The following DLG2 variants were observed in gnomAD, a reference collection of about 807,000 sequenced individuals.
DLG2 encodes the protein discs large MAGUK scaffold protein 2.
Under a neutral mutation model 132.5 loss-of-function variants are expected in DLG2, and 45 were observed. The observed-to-expected ratio is 0.34, with a 90% CI of 0.27 to 0.44. The LOEUF is 0.44. Among genes scored for constraint, DLG2 ranks in the 20% least tolerant of loss-of-function variants. The pLI, the probability that DLG2 is intolerant of heterozygous loss-of-function variation, is 1.00. For missense variants in DLG2, 1,045 were observed against 1,196.9 expected (o/e 0.87, Z 1.87); for synonymous variants, 424 against 419.6 (o/e 1.01, Z -0.13).
At chr11:84,849,121 T>C (rs1269323368) in intron 6 of DLG2, among the ~76,000 whole-genome samples, 3 of 152,098 alleles carry the variant, frequency 2.0e-5, no homozygotes, top group Middle Eastern at 3.2e-3. Flanking sequence ...AGGAACCTCA[T>C]AGAGATGGAG....
chr11:83,995,891 A>C (rs907703995), intron 11 of DLG2, among the ~76,000 whole-genome samples: 2 of 152,184 alleles, frequency 1.3e-5, no homozygotes, highest in African/African-American at 4.8e-5. Context: ...ACATTGGGGA[A>C]GATTTCTATG....
intron 7 of DLG2, among the ~76,000 whole-genome samples, chr11:84,263,938 C>T (rs1370398038): frequency 6.6e-6 from 1 of 152,096 alleles, no homozygotes; most frequent in Non-Finnish European, 1.5e-5. Flanking sequence ...CTTGGGCGCT[C>T]ATTACAAGAC....
chr11:85,469,106 G>T (rs1384929484), intron 3 of DLG2, among the ~76,000 whole-genome samples: 1 of 152,184 alleles, frequency 6.6e-6, no homozygotes. Flanking sequence ...AACCATGAAA[G>T]TATTATCACT....
chr11:85,325,613 C>A, intron 3 of DLG2, among the ~76,000 whole-genome samples: 1 of 114,988 alleles, frequency 8.7e-6, no homozygotes, highest in Non-Finnish European at 1.8e-5. Context: ...ACACCGAAAA[C>A]CCATCTGTAC....
intron 6 of DLG2, among the ~76,000 whole-genome samples, chr11:84,813,673 C>G (rs2076811461): frequency 6.6e-6 from 1 of 152,082 alleles, no homozygotes; most frequent in South Asian, 2.1e-4. Flanking sequence ...CTCAGAATGA[C>G]ATAGAATGGG....
chr11:84,403,409 A>G (rs553175759), intron 7 of DLG2, among the ~76,000 whole-genome samples: 2 of 152,294 alleles, frequency 1.3e-5, no homozygotes, highest in Admixed American at 6.5e-5. Context: ...AATTGCCATT[A>G]CTGTTTATTT....
chr11:83,945,973 C>CCTTCCTTCCT (rs1338581440), intron 14 of DLG2, among the ~76,000 whole-genome samples: 6 of 142,666 alleles, frequency 4.2e-5, no homozygotes, highest in Middle Eastern at 3.6e-3. Context: ...TTCCTTTTCT[C>CCTTCCTTCCT]TTTCTCTTTC....
rs561218023 is a variant in DLG2, at chr11:84,194,743, C to G, written c.574-31232G>C. 1.2e-3 allele frequency among the ~76,000 whole-genome samples: 188 copies of G among 152,352 alleles called. 1 individual carries two copies. Among genetic ancestry groups the G allele is most frequent in the African/African-American group, 4.3e-3 (178 of 41,600 alleles). ...CCCCAGCTGGCTTTGCCTAGTGTATCTGGTGCCTACTGGGACCCACGCTGG... is the reference window on the plus strand; with the variant it reads ...CCCCAGCTGGCTTTGCCTAGTGTATGTGGTGCCTACTGGGACCCACGCTGG... On this transcript the variant is annotated intron_variant, in intron 8 of 27. Transcript: ENST00000376104.
Position 85,171,471 on chromosome 11 carries a change from A to G in DLG2, c.187-16820T>C, listed in dbSNP as rs1337860848. Among the ~76,000 whole-genome samples the G allele has an allele frequency of 4.6e-5, 7 of 152,324 alleles. No homozygotes were observed. In the East Asian group the frequency reaches 1.2e-3, roughly 25 times the overall value. ...GGATCCGAAGCAGAGAGCTGTGTGG[A>G]AACTCCACATAATGGCCACTGGGGC... On this transcript the variant is annotated intron_variant, in intron 4 of 27. Transcript: ENST00000376104.
chr11:84,747,306 C>T (rs942055568), intron 6 of DLG2, among the ~76,000 whole-genome samples: 1 of 152,034 alleles, frequency 6.6e-6, no homozygotes, highest in African/African-American at 2.4e-5. Context: ...TATACATATT[C>T]ATACATATTC....
At chr11:83,850,160 G>GTGTGTGTGTGTGTGTTTTTT (rs1452960432) in intron 16 of DLG2, among the ~76,000 whole-genome samples, 1 of 124,304 alleles carries the variant, frequency 8.0e-6, no homozygotes, top group Admixed American at 7.9e-5. Flanking sequence ...GTGTGTGTGT[G>GTGTGTGTGTGTGTGTTTTTT]TTTTTTTACT....
intron 4 of DLG2, among the ~76,000 whole-genome samples, chr11:85,174,095 T>C (rs889900022): frequency 6.6e-6 from 1 of 152,112 alleles, no homozygotes; most frequent in Non-Finnish European, 1.5e-5. Context: ...ATTCAGGACC[T>C]GAACTCAGCT....
intron 11 of DLG2, among the ~76,000 whole-genome samples, chr11:83,990,333 A>G (rs1226036200): frequency 1.3e-5 from 2 of 152,134 alleles, no homozygotes; most frequent in Non-Finnish European, 2.9e-5. Flanking sequence ...TTTCTTGCAT[A>G]TCTCCAAGCA....
chr11:85,269,143 T>G (rs1392856020), intron 4 of DLG2, among the ~76,000 whole-genome samples: 1 of 152,200 alleles, frequency 6.6e-6, no homozygotes, highest in East Asian at 1.9e-4. Context: ...CCACAATTTC[T>G]TTATTGGAAT....
chr11:83,617,043 T>C (rs1396871394), intron 19 of DLG2, among the ~76,000 whole-genome samples: 13 of 152,230 alleles, frequency 8.5e-5, no homozygotes, highest in Admixed American at 7.2e-4. Context: ...TGTAATTATG[T>C]AACCTCATAA....
chr11:84,243,426 T>C (rs200289951), intron 8 of DLG2, among the ~76,000 whole-genome samples: 1 of 152,188 alleles, frequency 6.6e-6, no homozygotes, highest in South Asian at 2.1e-4. Flanking sequence ...TATAGATGTG[T>C]ATATGTTTAA....
intron 18 of DLG2, among the ~76,000 whole-genome samples, chr11:83,704,584 AG>A (rs1468113092): frequency 6.6e-6 from 1 of 150,780 alleles, no homozygotes; most frequent in African/African-American, 2.4e-5. Context: ...TGGGAGGCTG[AG>A]GCAGGTGGAT....
At position 85,578,435 on chromosome 11, in the gene DLG2, C is replaced by T. The variant is rs79389247; in HGVS notation, c.40+20222G>A. Among the ~76,000 whole-genome samples, 1,205 of 152,086 alleles carry T rather than the reference C, an allele frequency of 7.9e-3. 11 individuals carry two copies. The highest frequency in any genetic ancestry group is 0.026 in the African/African-American group (1,087 of 41,514). On this transcript the variant is annotated intron_variant, in intron 3 of 27. Coordinates refer to ENST00000376104, the MANE Select transcript of DLG2 (RefSeq NM_001142699.3). ...GAGCTTCTACACAGCAAAGGAAACT[C>T]TCAACAGAGTGAACAGACAACCTAT...
chr11:85,373,938 G>A (rs1197499763), intron 3 of DLG2, among the ~76,000 whole-genome samples: 2 of 152,128 alleles, frequency 1.3e-5, no homozygotes, highest in Non-Finnish European at 2.9e-5. Flanking sequence ...ATCAGTGGAG[G>A]ATATTATGAT....
Sources: gnomAD v4.1 joint callset for allele counts (sites outside exome capture counted in the v4.1 genomes callset) on GRCh38, gnomAD v4.1.1 for gene constraint, MANE v1.5 for transcripts, NCBI Gene and HGNC (gene_info 2026-07-23, HGNC 2026-07-21) for gene names.